Variants in ADAMTS17 observed in about 807,000 individuals in gnomAD.
ADAMTS17 encodes A disintegrin and metalloproteinase with thrombospondin motifs 17.
In ADAMTS17, 113 loss-of-function variants were observed where a neutral mutation model predicts 141.5. The ratio of observed to expected loss-of-function variants is 0.80; its 90% CI spans 0.69 to 0.93. The LOEUF is 0.93. ADAMTS17 is among the 40% of genes least tolerant of loss of function. ADAMTS17 has a pLI of 0.00. For missense variants in ADAMTS17, 1,659 were observed against 1,517.9 expected (o/e 1.09, Z -1.54); for synonymous variants, 768 against 630.6 (o/e 1.22, Z -3.27).
At chr15:100,001,985 G>A (rs1416961474) in intron 18 of ADAMTS17, among the ~76,000 whole-genome samples, 376 of 36,720 alleles carry the variant, frequency 0.01, 3 homozygotes, top group Non-Finnish European at 0.017. Context: ...TCAAAAAAAA[G>A]GCCAAACCCA....
intron 16 of ADAMTS17, among the ~76,000 whole-genome samples, 188 bp from the exon 17 acceptor site, chr15:100,051,919 C>A (rs541770786): frequency 2.6e-5 from 4 of 152,322 alleles, no homozygotes; most frequent in African/African-American, 7.2e-5. Context: ...AGGGACTCAA[C>A]TGAGGAGTGG....
At chr15:100,074,846 C>G (rs1326755128) in intron 15 of ADAMTS17, among the ~76,000 whole-genome samples, 4 of 152,092 alleles carry the variant, frequency 2.6e-5, no homozygotes, top group African/African-American at 9.7e-5. Context: ...AACTTATTTA[C>G]AGAACCGAGC....
chr15:100,153,794 G>A (rs750064221), intron 9 of ADAMTS17, among the ~76,000 whole-genome samples: 1 of 152,220 alleles, frequency 6.6e-6, no homozygotes, highest in East Asian at 1.9e-4. Flanking sequence ...TAAGGAAAGA[G>A]TTGCATGAAC....
intron 14 of ADAMTS17, among the ~76,000 whole-genome samples, chr15:100,102,612 C>A (rs1444081849): frequency 6.6e-6 from 1 of 151,840 alleles, no homozygotes; most frequent in East Asian, 1.9e-4. Flanking sequence ...CATTTGAAGG[C>A]CGACTGAAAG....
rs1227539208 is a variant in ADAMTS17 at position 99,973,820 on chromosome 15, T to G, written c.*582A>C. On this transcript the variant is annotated 3_prime_UTR_variant, in exon 22 of 22. Coordinates refer to ENST00000268070, the MANE Select transcript of ADAMTS17 (RefSeq NM_139057.4). Reference sequence around the variant, plus strand: ...GAGACTTCCAAGGCAACACCTAGGATTTAGAGACTATGTTCTCAGAGACGG... The same window carrying G: ...GAGACTTCCAAGGCAACACCTAGGAGTTAGAGACTATGTTCTCAGAGACGG... The G allele has an allele frequency of 5.3e-6, 1 of 190,258 alleles. No homozygotes were observed. The highest frequency in any genetic ancestry group is 1.1e-5 in the Non-Finnish European group (1 of 91,118). The allele number at this position is 190,258 out of a possible 1,614,324, so 11.8% of individuals were successfully genotyped here.
intron 12 of ADAMTS17, among the ~76,000 whole-genome samples, chr15:100,130,967 A>G (rs549697541): frequency 1.3e-5 from 2 of 152,298 alleles, no homozygotes; most frequent in African/African-American, 4.8e-5. Context: ...GAACCAACCC[A>G]AATGCCCATC....
At chr15:100,336,032 T>C (rs1034368333) in intron 2 of ADAMTS17, among the ~76,000 whole-genome samples, 2 of 152,158 alleles carry the variant, frequency 1.3e-5, no homozygotes, top group Admixed American at 1.3e-4. Flanking sequence ...TATTTCAGAG[T>C]TCAGGAAGTA....
chr15:100,080,861 G>C (rs2034685099), intron 15 of ADAMTS17, among the ~76,000 whole-genome samples: 2 of 152,178 alleles, frequency 1.3e-5, no homozygotes, highest in Non-Finnish European at 1.5e-5. Flanking sequence ...TTGTACGAAG[G>C]ATAGCTGTAG....
intron 4 of ADAMTS17, among the ~76,000 whole-genome samples, chr15:100,267,974 A>T (rs977103086): frequency 6.6e-6 from 1 of 152,200 alleles, no homozygotes; most frequent in Non-Finnish European, 1.5e-5. Context: ...CATTTTTGTA[A>T]CTATTTTATT....
intron 18 of ADAMTS17, among the ~76,000 whole-genome samples, chr15:100,030,242 G>A (rs558243489): frequency 6.6e-6 from 1 of 152,306 alleles, no homozygotes; most frequent in Non-Finnish European, 1.5e-5. Context: ...AAACACGACT[G>A]AGCCATGTGC....
intron 15 of ADAMTS17, among the ~76,000 whole-genome samples, chr15:100,095,416 G>A (rs1053318268): frequency 6.6e-6 from 1 of 152,208 alleles, no homozygotes; most frequent in Non-Finnish European, 1.5e-5. Flanking sequence ...GAGAAAAGTG[G>A]AGAGGAGAGC....
intron 15 of ADAMTS17, among the ~76,000 whole-genome samples, chr15:100,080,881 G>A (rs902192079): frequency 6.6e-6 from 1 of 152,138 alleles, no homozygotes; most frequent in African/African-American, 2.4e-5. Flanking sequence ...GTATGTTAGG[G>A]GTAATTATGA....
At chr15:100,162,970 A>ATATATATGTGTATATATAACTATATATG (rs1567286265) in intron 8 of ADAMTS17, among the ~76,000 whole-genome samples, 40 of 113,016 alleles carry the variant, frequency 3.5e-4, no homozygotes, top group African/African-American at 9.6e-4. Flanking sequence ...CTATATATGT[A>ATATATATGTGTATATATAACTATATATG]TATATATGTG....
chr15:100,248,618 AGTG>A (rs2043058132), intron 7 of ADAMTS17, among the ~76,000 whole-genome samples: 1 of 152,182 alleles, frequency 6.6e-6, no homozygotes, highest in Admixed American at 6.5e-5. Flanking sequence ...ACATGTGCAG[AGTG>A]GGGGCCACTC....
chr15:100,269,209 G>A (rs190303129), intron 4 of ADAMTS17, among the ~76,000 whole-genome samples: 40 of 152,322 alleles, frequency 2.6e-4, no homozygotes, highest in African/African-American at 9.4e-4. Flanking sequence ...TTTCTGGACA[G>A]CAGCCTTGGT....
intron 8 of ADAMTS17, among the ~76,000 whole-genome samples, chr15:100,175,859 C>A (rs2040320958): frequency 6.6e-6 from 1 of 152,050 alleles, no homozygotes; most frequent in Non-Finnish European, 1.5e-5. Context: ...ACCCTCCAGT[C>A]CCAAGGCAGA....
intron 3 of ADAMTS17, among the ~76,000 whole-genome samples, chr15:100,293,444 T>C (rs953611621): frequency 6.6e-6 from 1 of 152,182 alleles, no homozygotes; most frequent in Non-Finnish European, 1.5e-5. Flanking sequence ...ATGGAGATAA[T>C]GCTTTTTTTT....
chr15:100,063,685 A>C (rs1189517745), intron 15 of ADAMTS17: 1 of 1,289,944 alleles, frequency 7.8e-7, no homozygotes, highest in East Asian at 5.5e-5. Context: ...TTACCCAGAA[A>C]GCTGTGGGCA....
chr15:100,286,751 C>A (rs937735564), intron 3 of ADAMTS17, among the ~76,000 whole-genome samples: 2 of 151,900 alleles, frequency 1.3e-5, no homozygotes, highest in Non-Finnish European at 2.9e-5. Context: ...ACTCAAAAAG[C>A]CAGAGTGTCT....
Sources: allele counts gnomAD v4.1 joint callset (sites outside exome capture counted in the v4.1 genomes callset), GRCh38; gene constraint gnomAD v4.1.1; transcripts MANE v1.5; gene names NCBI Gene and HGNC (gene_info 2026-07-23, HGNC 2026-07-21).